The following NHEJ1 variants were observed in gnomAD, a reference collection of about 807,000 sequenced individuals.
NHEJ1 encodes non-homologous end joining factor 1, also known as non-homologous end-joining factor 1.
Under a neutral mutation model 39.4 loss-of-function variants are expected in NHEJ1, and 22 were observed. The ratio of observed to expected loss-of-function variants is 0.56; its 90% CI spans 0.40 to 0.80. The LOEUF is 0.80. NHEJ1 is among the 30% of genes least tolerant of loss of function. NHEJ1 has a pLI of 0.00. For synonymous variants in NHEJ1, 154 were observed against 135.6 expected (o/e 1.14, Z -0.94); for missense variants, 329 against 357.1 (o/e 0.92, Z 0.63).
chr2:219,102,226 A>C (rs114015706), intron 5 of NHEJ1, among the ~76,000 whole-genome samples: 2,947 of 152,308 alleles, frequency 0.019, 108 homozygotes, highest in African/African-American at 0.067. Flanking sequence ...TGCCAAAAAA[A>C]CGCCCTCGAA....
At chr2:219,077,110 A>G in intron 7 of NHEJ1, 136 bp downstream of exon 7, 1 of 728,082 alleles carries the variant, frequency 1.4e-6, no homozygotes, top group Non-Finnish European at 2.5e-6. Flanking sequence ...GACACCTACA[A>G]TTTGGAGCCT....
intron 5 of NHEJ1, among the ~76,000 whole-genome samples, chr2:219,129,118 T>C (rs1018723692): frequency 6.6e-6 from 1 of 152,222 alleles, no homozygotes; most frequent in Non-Finnish European, 1.5e-5. Flanking sequence ...GAGGCTTCAA[T>C]AGAATATTCT....
In NHEJ1 at chr2:219,137,570, C is replaced by CAAAA. The variant is rs58279021; in HGVS notation, c.588+9106_588+9109dup. On this transcript the variant is annotated intron_variant, in intron 5 of 7. Transcript: ENST00000356853. ...AATGGAGAAATAAATGTGTTACAGG[C>CAAAA]AAAAAAAAAAAAAAAAAAAAAACAA... Among the ~76,000 whole-genome samples, 13 of 34,718 alleles carry CAAAA rather than the reference C, an allele frequency of 3.7e-4. 1 individual carries two copies. Among genetic ancestry groups the CAAAA allele is most frequent in the East Asian group, 8.5e-4 (1 of 1,182 alleles). The allele number at this position is 34,718 out of a possible 152,430, so 22.8% of individuals were successfully genotyped here.
intron 5 of NHEJ1, among the ~76,000 whole-genome samples, chr2:219,078,891 C>G (rs1484521408): frequency 6.6e-6 from 1 of 152,108 alleles, no homozygotes; most frequent in African/African-American, 2.4e-5. Context: ...ACACACAGTA[C>G]ATAAATAGAT....
intron 3 of NHEJ1, among the ~76,000 whole-genome samples, chr2:219,148,319 C>T (rs917950918): frequency 6.6e-6 from 1 of 152,036 alleles, no homozygotes; most frequent in Non-Finnish European, 1.5e-5. Flanking sequence ...TCTGGGAGGC[C>T]GAGGTAGGAA....
chr2:219,147,776 C>T lies in NHEJ1; in HGVS notation c.410G>A (p.Arg137His), dbSNP rs375230208. The T allele has an allele frequency of 9.9e-6, 16 of 1,614,028 alleles. No homozygotes were observed. Among genetic ancestry groups the T allele is most frequent in the East Asian group, 2.2e-5 (1 of 44,880 alleles). Residue 137 changes from arginine (R) to histidine (H), a missense_variant, in exon 4 of 8, where the codon CGT (arginine) becomes CAT (histidine). Transcript: ENST00000356853. ...TGCCAGACTCATGCCCATCAGAGGACGAATCAAATGTTGGGAGACCTTTGA... is the reference window on the plus strand; with the variant it reads ...TGCCAGACTCATGCCCATCAGAGGATGAATCAAATGTTGGGAGACCTTTGA... Reference protein sequence around the residue: ...SPSLVSQHLIRPLMGMSLALQ... With the variant: ...SPSLVSQHLIHPLMGMSLALQ...
At chr2:219,139,206 G>A (rs1374645819) in intron 5 of NHEJ1, among the ~76,000 whole-genome samples, 2 of 152,004 alleles carry the variant, frequency 1.3e-5, no homozygotes, top group Non-Finnish European at 1.5e-5. Flanking sequence ...TCCCACCTCA[G>A]CCTCCTGAGT....
chr2:219,080,178 C>A (rs1274853593), intron 5 of NHEJ1, among the ~76,000 whole-genome samples: 1 of 151,914 alleles, frequency 6.6e-6, no homozygotes, highest in Non-Finnish European at 1.5e-5. Context: ...CAAAGTTATT[C>A]CACCTGACTA....
Position 219,111,814 on chromosome 2 carries a change from T to C in NHEJ1, c.589-33608A>G, listed in dbSNP as rs1160006960. ...TTGGAGGGGACAGAAACCGGTCCCA[T>C]ATTTACCAGCTTTATAAATGGGACT... On this transcript the variant is annotated intron_variant, in intron 5 of 7. Coordinates refer to ENST00000356853, the MANE Select transcript of NHEJ1 (RefSeq NM_024782.3). This position sits in a 1 kb window ranked among gnomAD's most constrained non-coding sequence, Gnocchi z 4.1. Among the ~76,000 whole-genome samples, 1 of 152,120 alleles carries C rather than the reference T, an allele frequency of 6.6e-6. No individual in the cohort carries two copies. The highest frequency in any genetic ancestry group is 1.5e-5 in the Non-Finnish European group (1 of 68,014).
chr2:219,076,273 C>T lies in NHEJ1; in HGVS notation c.*108G>A. ...GTTCTCTCGCCCTTACAGGAGGCCT[C>T]TGACTGTATCACTATTTTAGAAATA... On this transcript the variant is annotated 3_prime_UTR_variant, in exon 8 of 8. Coordinates refer to ENST00000356853, the MANE Select transcript of NHEJ1 (RefSeq NM_024782.3). The T allele has an allele frequency of 6.3e-7, 1 of 1,596,972 alleles. No individual in the cohort carries two copies. Among genetic ancestry groups the T allele is most frequent in the Non-Finnish European group, 8.5e-7 (1 of 1,171,324 alleles).
At chr2:219,137,595 A>AAAAAAAAAAAAAAATAAC (rs143557047) in intron 5 of NHEJ1, among the ~76,000 whole-genome samples, 1 of 82,668 alleles carries the variant, frequency 1.2e-5, no homozygotes, top group Non-Finnish European at 3.0e-5. Flanking sequence ...AAAAAAAACA[A>AAAAAAAAAAAAAAATAAC]AAAAAACTGA....
rs1006971755 is a variant in NHEJ1, at chr2:219,077,842, A to G, written c.706+247T>C. The stretch of plus-strand genomic sequence containing the variant: ...TAAGTACCTAGACCAGTGCCACCCA[A>G]TCGAACTTTCTGCAATGATGGAAAT... On this transcript the variant is annotated intron_variant, in intron 6 of 7. Coordinates refer to ENST00000356853, the MANE Select transcript of NHEJ1 (RefSeq NM_024782.3). 7.9e-5 allele frequency among the ~76,000 whole-genome samples: 12 copies of G among 152,150 alleles called. 1 individual carries two copies. The highest frequency in any genetic ancestry group is 5.9e-5 in the Non-Finnish European group (4 of 68,032).
chr2:219,128,461 TC>T (rs1337783643), intron 5 of NHEJ1, among the ~76,000 whole-genome samples: 5 of 152,084 alleles, frequency 3.3e-5, no homozygotes, highest in Admixed American at 2.6e-4. Flanking sequence ...CTTCTTTTTT[TC>T]CCCCTTCTGG....
In NHEJ1 at chr2:219,152,787, A is replaced by ATTTT. The variant is rs1553548962; in HGVS notation, c.390+4681_390+4684dup. Among the ~76,000 whole-genome samples the ATTTT allele has an allele frequency of 5.7e-4, 25 of 43,682 alleles. No homozygotes were observed. In the Admixed American group the frequency reaches 6.0e-3, roughly 10 times the overall value. The allele number at this position is 43,682 out of a possible 152,430, so 28.7% of individuals were successfully genotyped here. A position where few individuals can be genotyped will look rare whatever the true frequency, so the allele number is the denominator to read the frequency against. ...CGGGATCTCTTTCATTTATTTATTT[A>ATTTT]TTTTTATTTATTTATTTATTTATTT... On this transcript the variant is annotated intron_variant, in intron 3 of 7. Transcript: ENST00000356853.
intron 5 of NHEJ1, among the ~76,000 whole-genome samples, chr2:219,089,425 G>C (rs1274020819): frequency 1.3e-5 from 2 of 152,206 alleles, no homozygotes; most frequent in Admixed American, 6.5e-5. Flanking sequence ...ATAAAGTACT[G>C]ATATTCGCTT....
At position 219,147,721 on chromosome 2, in the gene NHEJ1, C is replaced by T. The variant is rs374664084; in HGVS notation, c.465G>A (p.Thr155=). The T allele has an allele frequency of 7.4e-6, 12 of 1,614,172 alleles. No homozygotes were observed. The East Asian group carries it at 1.8e-4, about 24-fold the overall frequency. ...ALQCQVRELA[T]LLHMKDLEIQ... ...TCTCTAGGTCTTTCATATGAAGTAA[C>T]GTTGCTAGCTCCCTCACTTGGCACT... The change falls in exon 4 of 8, where the codon ACG becomes ACA. Residue 155 remains threonine, a synonymous_variant. Transcript: ENST00000356853.
chr2:219,131,935 C>T (rs1949582760), intron 5 of NHEJ1, among the ~76,000 whole-genome samples: 1 of 152,210 alleles, frequency 6.6e-6, no homozygotes, highest in Non-Finnish European at 1.5e-5. Flanking sequence ...GGCAATCTGA[C>T]ATGATGGAAG....
At chr2:219,109,830 C>T (rs1949347639) in intron 5 of NHEJ1, among the ~76,000 whole-genome samples, 1 of 152,114 alleles carries the variant, frequency 6.6e-6, no homozygotes. Context: ...TCTCTTTTTC[C>T]ACCTAACACA....
intron 5 of NHEJ1, among the ~76,000 whole-genome samples, chr2:219,124,103 G>A (rs1390684179): frequency 6.6e-6 from 1 of 152,148 alleles, no homozygotes; most frequent in African/African-American, 2.4e-5. Context: ...TGGGACATCA[G>A]GCCAGCTGTC....
Sources: gnomAD v4.1 joint callset for allele counts (sites outside exome capture counted in the v4.1 genomes callset) on GRCh38, gnomAD v4.1.1 for gene constraint, Gnocchi (gnomAD v3.1) non-coding constraint, MANE v1.5 for transcripts, NCBI Gene and HGNC (gene_info 2026-07-23, HGNC 2026-07-21) for gene names.